The following MGAT4A variants were observed in gnomAD, a reference collection of about 807,000 sequenced individuals.
MGAT4A encodes alpha-1,3-mannosyl-glycoprotein 4-beta-N-acetylglucosaminyltransferase A.
In MGAT4A, 33 loss-of-function variants were observed where a neutral mutation model predicts 74.1. The ratio of observed to expected loss-of-function variants is 0.45; its 90% confidence interval spans 0.34 to 0.60. The LOEUF is 0.60. Among genes scored for constraint, MGAT4A ranks in the 20% least tolerant of loss-of-function variants. The pLI, the probability that MGAT4A is intolerant of heterozygous loss-of-function variation, is 0.02. For synonymous variants in MGAT4A, 198 were observed against 210.4 expected (o/e 0.94, Z 0.51); for missense variants, 479 against 628.3 (o/e 0.76, Z 2.54).
intron 1 of MGAT4A, among the ~76,000 whole-genome samples, chr2:98,728,499 G>C (rs940579873): frequency 4.6e-5 from 7 of 152,162 alleles, no homozygotes; most frequent in African/African-American, 1.7e-4. Flanking sequence ...TGTAATCCTA[G>C]CACTTTGGGA....
intron 3 of MGAT4A, among the ~76,000 whole-genome samples, chr2:98,676,688 T>C (rs1215441661): frequency 2.0e-5 from 3 of 152,200 alleles, no homozygotes; most frequent in African/African-American, 7.2e-5. Context: ...GTGGTATATA[T>C]AGCTGGCACA....
intron 2 of MGAT4A, among the ~76,000 whole-genome samples, chr2:98,696,518 T>C (rs55646762): frequency 0.24 from 36,264 of 152,240 alleles, 5,110 homozygotes; most frequent in Non-Finnish European, 0.32. Context: ...AGAAGTAGCA[T>C]GTTGCTGCCA....
chr2:98,719,578 A>G (rs1426311400), intron 2 of MGAT4A, among the ~76,000 whole-genome samples: 1 of 152,224 alleles, frequency 6.6e-6, no homozygotes, highest in Non-Finnish European at 1.5e-5. Context: ...CAAACGGGGA[A>G]AAAAAACCAA....
Position 98,621,801 on chromosome 2 carries a change from T to C in MGAT4A, c.*3765A>G, listed in dbSNP as rs1036936506. On this transcript the variant is annotated 3_prime_UTR_variant, in exon 16 of 16. Transcript: ENST00000393487. ...ACCTCTTTTTCATTATTATGATAGA[T>C]TTTTTAAAGGCCTTCATAATTTTGC... The C allele has an allele frequency of 5.1e-5, 55 of 1,083,420 alleles. No individual in the cohort carries two copies. Among genetic ancestry groups the C allele is most frequent in the Non-Finnish European group, 5.9e-5 (53 of 894,090 alleles). 67.1% of individuals were successfully genotyped at this position (1,083,420 alleles called of 1,614,324 possible).
chr2:98,720,154 T>C (rs1702646247), intron 2 of MGAT4A, among the ~76,000 whole-genome samples: 1 of 152,178 alleles, frequency 6.6e-6, no homozygotes, highest in South Asian at 2.1e-4. Flanking sequence ...CTAGAGGACC[T>C]TGTGATGGTT....
At chr2:98,641,797 A>C (rs982743225) in intron 10 of MGAT4A, among the ~76,000 whole-genome samples, 1 of 152,038 alleles carries the variant, frequency 6.6e-6, no homozygotes, top group Non-Finnish European at 1.5e-5. Context: ...GATTGAGACC[A>C]TTCTGGCCAA....
intron 4 of MGAT4A, among the ~76,000 whole-genome samples, chr2:98,666,155 G>A (rs563378385): frequency 6.6e-6 from 1 of 152,258 alleles, no homozygotes; most frequent in East Asian, 1.9e-4. Context: ...GAGGCTGTAG[G>A]GTGTTTGAAG....
chr2:98,702,026 T>A lies in MGAT4A; in HGVS notation c.95-23555A>T, dbSNP rs1038799070. Among the ~76,000 whole-genome samples the A allele has an allele frequency of 2.0e-5, 3 of 152,058 alleles. No individual in the cohort carries two copies. In the East Asian group the frequency reaches 5.8e-4, roughly 29 times the overall value. On this transcript the variant is annotated intron_variant, in intron 2 of 15. Transcript: ENST00000393487. The stretch of plus-strand genomic sequence containing the variant: ...AAATCCTCTTCCCACAAAGCAACTA[T>A]AAAGCTGGTCAAGAGTCAAAAACAA...
chr2:98,684,654 T>C (rs1702104655), intron 2 of MGAT4A, among the ~76,000 whole-genome samples: 1 of 152,188 alleles, frequency 6.6e-6, no homozygotes, highest in Admixed American at 6.5e-5. Context: ...TAATTTCATA[T>C]GAAATTGTTC....
intron 1 of MGAT4A, among the ~76,000 whole-genome samples, chr2:98,729,377 C>T (rs975102581): frequency 6.6e-6 from 1 of 152,162 alleles, no homozygotes; most frequent in Non-Finnish European, 1.5e-5. Flanking sequence ...AAGAGTAAAA[C>T]CAAGGATCTA....
rs1424267558 is a variant in MGAT4A, at chr2:98,675,181, A to T, written c.263-6T>A. The T allele has an allele frequency of 6.4e-7, 1 of 1,569,456 alleles. No homozygotes were observed. Among genetic ancestry groups the T allele is most frequent in the Admixed American group, 1.9e-5 (1 of 51,546 alleles). On this transcript the variant is annotated splice_polypyrimidine_tract_variant and splice_region_variant and intron_variant, in intron 3 of 15. Transcript: ENST00000393487. ...TAACAGCTTTAGGGTATTATCTGAA[A>T]CACAGAAGTATAATTAATATACAAG...
Position 98,711,676 on chromosome 2 carries a change from G to A in MGAT4A, c.94+14563C>T, listed in dbSNP as rs80213520. Among the ~76,000 whole-genome samples the A allele has an allele frequency of 7.4e-3, 1,118 of 152,008 alleles. 13 individuals carry two copies. The highest frequency in any genetic ancestry group is 0.026 in the African/African-American group (1,058 of 41,448). Reference sequence around the variant, plus strand: ...GAGAAAAAAAGACATGTGTTCACACGTGCATAAGTACCACGTTAGCCTCAA... The same window carrying A: ...GAGAAAAAAAGACATGTGTTCACACATGCATAAGTACCACGTTAGCCTCAA... On this transcript the variant is annotated intron_variant, in intron 2 of 15. Coordinates refer to ENST00000393487, the MANE Select transcript of MGAT4A (RefSeq NM_012214.3).
At chr2:98,679,311 C>T (rs1702023553) in intron 2 of MGAT4A, among the ~76,000 whole-genome samples, 1 of 148,502 alleles carries the variant, frequency 6.7e-6, no homozygotes, top group Non-Finnish European at 1.5e-5. Context: ...GAGGCTGAGG[C>T]AGGAGAATGG....
At chr2:98,726,679 T>C in intron 1 of MGAT4A, 112 bp from the exon 2 acceptor site, 1 of 261,778 alleles carries the variant, frequency 3.8e-6, no homozygotes, top group Non-Finnish European at 7.2e-6. Flanking sequence ...ATTGCATCTA[T>C]AAAGATTATC....
chr2:98,686,561 T>C (rs1385134050), intron 2 of MGAT4A, among the ~76,000 whole-genome samples: 5 of 151,970 alleles, frequency 3.3e-5, no homozygotes, highest in South Asian at 2.1e-4. Flanking sequence ...TTTTTTTTTT[T>C]CTGGAGACAG....
chr2:98,637,171 C>T (rs1042521550), intron 12 of MGAT4A, among the ~76,000 whole-genome samples: 2 of 151,906 alleles, frequency 1.3e-5, no homozygotes, highest in Non-Finnish European at 2.9e-5. Context: ...ATTAGCCAGG[C>T]ATGGTGGTAT....
chr2:98,640,179 G>C lies in MGAT4A; in HGVS notation c.1070C>G (p.Ser357Cys), dbSNP rs772683274. ...GTGCAGACCAACATGTTGGAAAAGG[G>C]AAGGTCTGAAGCGAATTCGCAGATT... ...KANLRIRFRPSLFQHVGLHSS... is the reference protein window; with the variant it reads ...KANLRIRFRPCLFQHVGLHSS... The change falls in exon 11 of 16, where the codon TCC becomes TGC. Residue 357 changes from serine (S) to cysteine (C), a missense_variant. Ser to Cys is a moderately radical substitution (Grantham distance 112, BLOSUM62 -1). This residue lies in a region of MGAT4A where 236 missense variants were observed against 308.2 expected (regional missense o/e 0.77). Coordinates refer to ENST00000393487, the MANE Select transcript of MGAT4A (RefSeq NM_012214.3). The C allele has an allele frequency of 1.2e-6, 2 of 1,614,026 alleles. No homozygotes were observed. Among genetic ancestry groups the C allele is most frequent in the South Asian group, 1.1e-5 (1 of 91,046 alleles).
intron 2 of MGAT4A, among the ~76,000 whole-genome samples, chr2:98,683,548 T>A (rs994021297): frequency 1.5e-5 from 2 of 129,862 alleles, no homozygotes; most frequent in South Asian, 2.2e-4. Flanking sequence ...CATTTCATCA[T>A]TTTTTTTTTT....
At chr2:98,642,626 T>C (rs1701426971) in intron 10 of MGAT4A, among the ~76,000 whole-genome samples, 2 of 152,200 alleles carry the variant, frequency 1.3e-5, no homozygotes, top group South Asian at 2.1e-4. Flanking sequence ...ACGAATGGAA[T>C]GCAAGTGTAT....
Sources: gnomAD v4.1 joint callset for allele counts (sites outside exome capture counted in the v4.1 genomes callset) on GRCh38, gnomAD v4.1.1 for gene constraint, gnomAD v4.1.1 regional missense constraint, MANE v1.5 for transcripts, NCBI Gene and HGNC (gene_info 2026-07-23, HGNC 2026-07-21) for gene names.